The following AGBL4 variants were observed in gnomAD, a reference collection of about 807,000 sequenced individuals.
AGBL4 encodes the protein AGBL carboxypeptidase 4, also known as cytosolic carboxypeptidase 6.
AGBL4 carries 58 observed loss-of-function variants against 66.4 expected under a neutral mutation model. The observed-to-expected ratio is 0.87, with a 90% confidence interval of 0.71 to 1.09. AGBL4 has a LOEUF of 1.09. Among genes scored for constraint, AGBL4 ranks in the 50% least tolerant of loss-of-function variants. AGBL4 has a pLI of 0.00. For missense variants in AGBL4, 579 were observed against 631.0 expected (o/e 0.92, Z 0.88); for synonymous variants, 234 against 222.9 (o/e 1.05, Z -0.44).
chr1:49,822,075 C>T (rs901876044), intron 2 of AGBL4, among the ~76,000 whole-genome samples: 2 of 151,740 alleles, frequency 1.3e-5, no homozygotes, highest in African/African-American at 4.8e-5. Context: ...TAAATCACAT[C>T]CATTTAAAAA....
rs114179313 is a variant in AGBL4 at position 48,723,648 on chromosome 1, G to A, written c.635-60407C>T. Reference sequence around the variant, plus strand: ...AGGTTTTAAAGTTTTCCTTTTCTACGAAGAAGTAGCCAAACTCTGGAGAGA... The same window carrying A: ...AGGTTTTAAAGTTTTCCTTTTCTACAAAGAAGTAGCCAAACTCTGGAGAGA... On this transcript the variant is annotated intron_variant, in intron 6 of 13. Coordinates refer to ENST00000371839, the MANE Select transcript of AGBL4 (RefSeq NM_032785.4). Among the ~76,000 whole-genome samples the A allele has an allele frequency of 6.2e-3, 939 of 152,282 alleles. 11 individuals are homozygous for A. Among genetic ancestry groups the A allele is most frequent in the African/African-American group, 0.02 (813 of 41,560 alleles).
intron 1 of AGBL4, among the ~76,000 whole-genome samples, chr1:49,898,767 T>G (rs1437430520): frequency 6.6e-6 from 1 of 152,094 alleles, no homozygotes; most frequent in Non-Finnish European, 1.5e-5. Context: ...TTATATACAA[T>G]AAAGTACTAT....
intron 4 of AGBL4, among the ~76,000 whole-genome samples, chr1:49,098,838 A>T (rs569888356): frequency 6.6e-6 from 1 of 152,352 alleles, no homozygotes; most frequent in East Asian, 1.9e-4. Flanking sequence ...GCATTCACAG[A>T]TCAAATAAAA....
intron 4 of AGBL4, among the ~76,000 whole-genome samples, chr1:49,199,726 AT>A (rs1647537115): frequency 6.6e-6 from 1 of 152,144 alleles, no homozygotes; most frequent in Admixed American, 6.6e-5. Context: ...CTCCAGACTA[AT>A]TAGTTCAGTT....
At chr1:48,604,708 C>T (rs1645130578) in intron 9 of AGBL4, among the ~76,000 whole-genome samples, 1 of 152,116 alleles carries the variant, frequency 6.6e-6, no homozygotes. Context: ...TTTTCTGTAG[C>T]TATTGCTCTG....
chr1:49,915,837 T>A (rs573302742), intron 1 of AGBL4, among the ~76,000 whole-genome samples: 17 of 152,094 alleles, frequency 1.1e-4, no homozygotes, highest in Admixed American at 1.0e-3. Context: ...CACCCCCTAA[T>A]AGGGGCAGAC....
chr1:48,796,961 C>T (rs906619142), intron 6 of AGBL4, among the ~76,000 whole-genome samples: 1 of 152,152 alleles, frequency 6.6e-6, no homozygotes, highest in Non-Finnish European at 1.5e-5. Flanking sequence ...GAAAGCAGAA[C>T]TTGAATCATA....
intron 6 of AGBL4, among the ~76,000 whole-genome samples, chr1:48,796,218 G>C (rs1192868565): frequency 6.6e-6 from 1 of 152,098 alleles, no homozygotes; most frequent in Non-Finnish European, 1.5e-5. Context: ...CCCTACACTT[G>C]GTTAGGATGC....
At chr1:48,538,842 G>A (rs1293590424) in intron 12 of AGBL4, among the ~76,000 whole-genome samples, 64 of 152,346 alleles carry the variant, frequency 4.2e-4, no homozygotes, top group Admixed American at 4.2e-3. Context: ...TGGAAAGAAT[G>A]GTCTGGCAGG....
At chr1:48,931,923 C>T (rs1655071011) in intron 5 of AGBL4, among the ~76,000 whole-genome samples, 3 of 152,126 alleles carry the variant, frequency 2.0e-5, no homozygotes, top group Admixed American at 2.0e-4. Flanking sequence ...TCCTGGCTCC[C>T]ATTCTGGTGC....
rs970665786 is a variant in AGBL4, at chr1:49,427,998, C to T, written c.283-182134G>A. ...GCTACACACAGAGTGCTGATTGGTG[C>T]GTTTTTACAGAGTGCTGATTGGTGC... On this transcript the variant is annotated intron_variant, in intron 3 of 13. Transcript: ENST00000371839. Among the ~76,000 whole-genome samples the T allele has an allele frequency of 2.0e-5, 3 of 152,032 alleles. No homozygotes were observed. In the South Asian group the frequency reaches 6.2e-4, roughly 32 times the overall value.
chr1:49,001,046 T>A (rs1470803586), intron 5 of AGBL4, among the ~76,000 whole-genome samples: 1 of 152,328 alleles, frequency 6.6e-6, no homozygotes, highest in East Asian at 1.9e-4. Flanking sequence ...GTCAGTTGAT[T>A]GATAAATTCA....
intron 6 of AGBL4, among the ~76,000 whole-genome samples, chr1:48,753,524 T>A (rs1231427714): frequency 6.6e-6 from 1 of 152,216 alleles, no homozygotes; most frequent in African/African-American, 2.4e-5. Context: ...AGCTGGTATT[T>A]TAGCGGACCT....
chr1:48,976,988 AGAT>A (rs1010120196), intron 5 of AGBL4, among the ~76,000 whole-genome samples: 3 of 152,012 alleles, frequency 2.0e-5, no homozygotes, highest in African/African-American at 7.2e-5. Context: ...ATGAACCCAG[AGAT>A]TTTTTTTTTC....
At chr1:50,021,554 G>C (rs1662445192) in intron 1 of AGBL4, among the ~76,000 whole-genome samples, 1 of 152,102 alleles carries the variant, frequency 6.6e-6, no homozygotes, top group Admixed American at 6.5e-5. Flanking sequence ...GAACAAATTA[G>C]AAAATGAGAA....
intron 3 of AGBL4, among the ~76,000 whole-genome samples, chr1:49,550,487 G>A (rs1380274532): frequency 6.6e-6 from 1 of 152,172 alleles, no homozygotes; most frequent in East Asian, 1.9e-4. Flanking sequence ...TTCTTGTAGT[G>A]GTGGCTTGAT....
chr1:49,151,568 G>C (rs1234266762), intron 4 of AGBL4, among the ~76,000 whole-genome samples: 1 of 143,672 alleles, frequency 7.0e-6, no homozygotes, highest in African/African-American at 2.6e-5. Flanking sequence ...ATTGTTGACA[G>C]TTACAAAAAA....
chr1:49,714,334 AT>A, intron 2 of AGBL4, among the ~76,000 whole-genome samples: 1 of 151,904 alleles, frequency 6.6e-6, no homozygotes, highest in South Asian at 2.1e-4. Flanking sequence ...TAAGTAATTT[AT>A]TTTCTCTCGT....
intron 3 of AGBL4, chr1:49,527,145 A>G (rs537145716): frequency 2.0e-5 from 3 of 152,212 alleles, no homozygotes; most frequent in Non-Finnish European, 4.4e-5. Context: ...GATGTACCCT[A>G]TATAACTAAC....
Sources: gnomAD v4.1 joint callset for allele counts (sites outside exome capture counted in the v4.1 genomes callset) on GRCh38, gnomAD v4.1.1 for gene constraint, MANE v1.5 for transcripts, NCBI Gene and HGNC (gene_info 2026-07-23, HGNC 2026-07-21) for gene names.